EML6: variants seen among roughly 807,000 people sequenced by gnomAD.
EML6 encodes echinoderm microtubule-associated protein-like 6.
Under a neutral mutation model 240.1 loss-of-function variants are expected in EML6, and 154 were observed. The observed-to-expected ratio is 0.64, with a 90% CI of 0.56 to 0.73. The LOEUF (loss-of-function observed/expected upper bound fraction) is 0.73. EML6 is among the 30% of genes least tolerant of loss of function. The probability of loss-of-function intolerance (pLI) is 0.00; values close to 1 mark genes in which losing one functional copy is unlikely to be tolerated. For missense variants in EML6, 2,964 were observed against 2,474.6 expected, an observed-to-expected ratio of 1.20 and a Z score of -4.20; for synonymous variants, 1,148 against 899.0, an observed-to-expected ratio of 1.28 and a Z score of -4.95.
Position 54,836,922 on chromosome 2 carries a change from C to G in EML6, c.848-7125C>G, listed in dbSNP as rs998807170. 3.0e-4 allele frequency among the ~76,000 whole-genome samples: 46 copies of G among 152,168 alleles called. 1 individual carries two copies. Among genetic ancestry groups the G allele is most frequent in the African/African-American group, 1.1e-3 (46 of 41,442 alleles). On this transcript the variant is annotated intron_variant, in intron 7 of 41. Coordinates refer to ENST00000356458, the MANE Select transcript of EML6 (RefSeq NM_001039753.4). ...GCATTACCCTTAGAACATCAGAAGT[C>G]CCTGCAAGGCCCAGAGCTCCTGTGC...
chr2:54,820,223 A>G lies in EML6; in HGVS notation c.457-171A>G, dbSNP rs192531902. ...TTAAGGTAAGTAGATATGAGGTGATAACGTGTGTGTTAGTTCCTGACTCAT... is the reference window on the plus strand; with the variant it reads ...TTAAGGTAAGTAGATATGAGGTGATGACGTGTGTGTTAGTTCCTGACTCAT... On this transcript the variant is annotated intron_variant, in intron 4 of 41. Transcript: ENST00000356458. Among the ~76,000 whole-genome samples the G allele has an allele frequency of 4.1e-3, 622 of 152,298 alleles. 6 individuals are homozygous for G. The highest frequency in any genetic ancestry group is 0.024 in the Middle Eastern group (7 of 294).
intron 28 of EML6, among the ~76,000 whole-genome samples, chr2:54,936,216 G>A (rs377705245): frequency 5.3e-5 from 8 of 152,194 alleles, no homozygotes; most frequent in South Asian, 2.1e-4. Context: ...GTAACTACAC[G>A]ATCACAAAGG....
intron 28 of EML6, among the ~76,000 whole-genome samples, 181 bp downstream of exon 28, chr2:54,928,932 G>A (rs924538974): frequency 2.6e-5 from 4 of 152,190 alleles, no homozygotes; most frequent in African/African-American, 4.8e-5. Context: ...ATCCCAGTAC[G>A]TGGCAAAGGG....
At chr2:54,813,665 G>A (rs1247469324) in intron 3 of EML6, among the ~76,000 whole-genome samples, 1 of 152,168 alleles carries the variant, frequency 6.6e-6, no homozygotes, top group African/African-American at 2.4e-5. Flanking sequence ...GTTCACCATA[G>A]CCCAGTAATT....
chr2:54,968,637 C>T, intron 40 of EML6, 31 bp from the exon 41 acceptor site: 3 of 1,351,676 alleles, frequency 2.2e-6, no homozygotes, highest in Non-Finnish European at 2.1e-6. Flanking sequence ...GCCAGGGTCT[C>T]TTAGCTGTCT....
chr2:54,916,498 T>G (rs1673915998), intron 25 of EML6, among the ~76,000 whole-genome samples: 1 of 129,996 alleles, frequency 7.7e-6, no homozygotes. Flanking sequence ...TAAAATACCT[T>G]ATTATTATCA....
chr2:54,744,095 C>G (rs1254508779), intron 2 of EML6, among the ~76,000 whole-genome samples: 1 of 145,286 alleles, frequency 6.9e-6, no homozygotes, highest in Non-Finnish European at 1.5e-5. Context: ...TGGGCATTTA[C>G]ATTGAACAAT....
rs1450613483 is a variant in EML6, at chr2:54,802,647, A to ACTACTG, written c.198-10580_198-10579insGCTACT. The stretch of plus-strand genomic sequence containing the variant: ...TACTACTACTACTACTACTACTACT[A>ACTACTG]CTACTACTACTACTACTACTGCTAC... On this transcript the variant is annotated intron_variant, in intron 2 of 41. Transcript: ENST00000356458. Among the ~76,000 whole-genome samples, 927 of 149,038 alleles carry ACTACTG rather than the reference A, an allele frequency of 6.2e-3. 6 individuals carry two copies. The highest frequency in any genetic ancestry group is 0.022 in the African/African-American group (888 of 40,000).
At chr2:54,954,569 G>A (rs1013591718) in intron 32 of EML6, among the ~76,000 whole-genome samples, 3 of 152,124 alleles carry the variant, frequency 2.0e-5, no homozygotes, top group Admixed American at 2.0e-4. Context: ...TTAGGAAATG[G>A]GATCATGTTT....
chr2:54,929,407 C>G (rs1674735103), intron 28 of EML6, among the ~76,000 whole-genome samples: 1 of 152,138 alleles, frequency 6.6e-6, no homozygotes, highest in African/African-American at 2.4e-5. Context: ...AAAAGAAAAG[C>G]TCAGAATTAC....
At chr2:54,800,205 A>G (rs1157188883) in intron 2 of EML6, among the ~76,000 whole-genome samples, 2 of 152,172 alleles carry the variant, frequency 1.3e-5, no homozygotes, top group East Asian at 1.9e-4. Flanking sequence ...AGATCACACT[A>G]CTGCACTCCA....
intron 2 of EML6, among the ~76,000 whole-genome samples, chr2:54,727,190 A>AGCTATGAAATTG (rs1434747440): frequency 6.6e-6 from 1 of 151,114 alleles, no homozygotes; most frequent in South Asian, 2.1e-4. Flanking sequence ...AGGGAAAAAG[A>AGCTATGAAATTG]GACAGTTAGC....
chr2:54,931,997 T>G (rs965706702), intron 28 of EML6, among the ~76,000 whole-genome samples: 1 of 152,248 alleles, frequency 6.6e-6, no homozygotes, highest in Admixed American at 6.5e-5. Flanking sequence ...CTAATTAGAC[T>G]CAGTTATTTG....
Position 54,829,375 on chromosome 2 carries a change from G to T in EML6, c.745G>T (p.Gly249Cys). The T allele has an allele frequency of 6.4e-7, 1 of 1,551,876 alleles. No individual in the cohort carries two copies. Among genetic ancestry groups the T allele is most frequent in the Non-Finnish European group, 8.7e-7 (1 of 1,146,994 alleles). The change falls in exon 7 of 42, where the codon GGC becomes TGC. Residue 249 changes from glycine (G) to cysteine (C), a missense_variant. By Grantham distance (159) the Gly-to-Cys change is radical (BLOSUM62 -3). Transcript: ENST00000356458. Reference protein sequence around the residue: ...GIFSMYACEEGFATGGRDGCI... With the variant: ...GIFSMYACEECFATGGRDGCI... Reference sequence around the variant, plus strand: ...CTTTAGCATGTATGCTTGTGAAGAAGGCTTTGCCACTGGTGGGCGAGATGG... The same window carrying T: ...CTTTAGCATGTATGCTTGTGAAGAATGCTTTGCCACTGGTGGGCGAGATGG...
rs1030756514 is a variant in EML6 at position 54,891,163 on chromosome 2, G to A, written c.2539+9G>A. ...ATTCTGGCAACAAGCAGGTACTGTC[G>A]TTTGGGTTTATCATTTATGTGATTG... On this transcript the variant is annotated intron_variant, in intron 18 of 41. Transcript: ENST00000356458. The A allele has an allele frequency of 2.2e-5, 30 of 1,394,306 alleles. 1 individual carries two copies. Among genetic ancestry groups the A allele is most frequent in the African/African-American group, 8.5e-5 (6 of 70,666 alleles). The allele number at this position is 1,394,306 out of a possible 1,614,324, so 86.4% of individuals were successfully genotyped here.
At position 54,879,654 on chromosome 2, in the gene EML6, G is replaced by A. The variant is rs368958046; in HGVS notation, c.2438+14G>A. On this transcript the variant is annotated intron_variant, in intron 17 of 41. Transcript: ENST00000356458. ...AGCCACAACAAGGTAAGAAGCTGCC[G>A]GGATCTTACGGTATCCTGCTGATAC... is the stretch of plus-strand genomic sequence containing the variant. 10 of 1,442,968 alleles carry A rather than the reference G, an allele frequency of 6.9e-6. No individual in the cohort carries two copies. Among genetic ancestry groups the A allele is most frequent in the Admixed American group, 2.0e-5 (1 of 50,748 alleles). The allele number at this position is 1,442,968 out of a possible 1,614,324, so 89.4% of individuals were successfully genotyped here.
chr2:54,900,027 C>T (rs1370751183), intron 22 of EML6, among the ~76,000 whole-genome samples: 3 of 152,202 alleles, frequency 2.0e-5, no homozygotes, highest in Non-Finnish European at 2.9e-5. Flanking sequence ...TATTTGCCAC[C>T]TGGGGGCAAT....
At chr2:54,764,905 G>T (rs1287060510) in intron 2 of EML6, among the ~76,000 whole-genome samples, 5 of 152,180 alleles carry the variant, frequency 3.3e-5, no homozygotes, top group African/African-American at 1.2e-4. Context: ...ATTAAAGCTT[G>T]TAGTGAATTT....
intron 2 of EML6, among the ~76,000 whole-genome samples, chr2:54,771,614 A>C (rs540786834): frequency 2.0e-5 from 3 of 152,338 alleles, no homozygotes; most frequent in African/African-American, 7.2e-5. Flanking sequence ...TCCTTCTATA[A>C]AATGGTAGCT....
Sources: gnomAD v4.1 joint callset for allele counts (sites outside exome capture counted in the v4.1 genomes callset) on GRCh38, gnomAD v4.1.1 for gene constraint, MANE v1.5 for transcripts, NCBI Gene and HGNC (gene_info 2026-07-23, HGNC 2026-07-21) for gene names.